FZR1: variants seen among roughly 807,000 people sequenced by gnomAD.
FZR1 encodes fizzy-related protein homolog.
In FZR1, 11 loss-of-function variants were observed where a neutral mutation model predicts 63.6. That is an observed-to-expected ratio of 0.17 (90% confidence interval 0.11 to 0.29). The LOEUF is 0.29. FZR1 is among the 10% of genes least tolerant of loss of function. The probability of loss-of-function intolerance (pLI) is 1.00; values close to 1 mark genes in which losing one functional copy is unlikely to be tolerated. For missense variants in FZR1, 440 were observed against 687.5 expected, an observed-to-expected ratio of 0.64 and a Z score of 4.03; for synonymous variants, 328 against 297.9, an observed-to-expected ratio of 1.10 and a Z score of -1.04.
At position 3,516,571 on chromosome 19, in the gene FZR1, C is replaced by T. The variant is rs911163295; in HGVS notation, c.-34-6385C>T. On this transcript the variant is annotated intron_variant, in intron 1 of 13. Coordinates refer to ENST00000441788, the MANE Select transcript of FZR1 (RefSeq NM_016263.4). This position sits in a 1 kb window ranked among gnomAD's most constrained non-coding sequence, Gnocchi z 6.0. ...CTGAGCTGAGCACCGCTAGCAGCACCGGGCAAGTGTCCAGGTGAGGTGCCC... is the reference window on the plus strand; with the variant it reads ...CTGAGCTGAGCACCGCTAGCAGCACTGGGCAAGTGTCCAGGTGAGGTGCCC... 3.0e-4 allele frequency among the ~76,000 whole-genome samples: 45 copies of T among 152,112 alleles called. No individual in the cohort carries two copies. Among genetic ancestry groups the T allele is most frequent in the African/African-American group, 1.0e-3 (43 of 41,408 alleles).
At position 3,527,535 on chromosome 19, in the gene FZR1, C is replaced by T. The variant is rs1599785528; in HGVS notation, c.471-96C>T. 1.3e-5 allele frequency: 12 copies of T among 951,494 alleles called. No individual in the cohort carries two copies. The East Asian group carries it at 1.6e-4, about 12-fold the overall frequency. The allele number at this position is 951,494 out of a possible 1,614,324, so 58.9% of individuals were successfully genotyped here. A position where few individuals can be genotyped will look rare whatever the true frequency, so the allele number is the denominator to read the frequency against. ...TGGTGATTGGAGGGGCCGGACTGGGCTCCTGGGGCTGGCAGGGAAGGAGAC... is the reference window on the plus strand; with the variant it reads ...TGGTGATTGGAGGGGCCGGACTGGGTTCCTGGGGCTGGCAGGGAAGGAGAC... On this transcript the variant is annotated intron_variant, in intron 6 of 13. Transcript: ENST00000441788.
chr19:3,524,387 C>T (rs1276778000), intron 2 of FZR1, among the ~76,000 whole-genome samples: 3 of 152,166 alleles, frequency 2.0e-5, no homozygotes, highest in African/African-American at 7.2e-5. Flanking sequence ...GAGAGCTCCC[C>T]ACATACCCGT....
At chr19:3,527,512 G>GATCACA in intron 6 of FZR1, 119 bp from the exon 7 acceptor site, 1 of 730,400 alleles carries the variant, frequency 1.4e-6, no homozygotes, top group Non-Finnish European at 2.2e-6. Flanking sequence ...GGTGGCGGTG[G>GATCACA]TGATTGGAGG....
At chr19:3,527,927 GC>G (rs2083177448) in intron 7 of FZR1, 113 bp downstream of exon 7, 1 of 754,768 alleles carries the variant, frequency 1.3e-6, no homozygotes, top group Non-Finnish European at 2.0e-6. Flanking sequence ...GCCTGCCATG[GC>G]CCTCCTAGCT....
chr19:3,534,701 C>A, intron 13 of FZR1, 94 bp from the exon 14 acceptor site: 1 of 1,211,850 alleles, frequency 8.3e-7, no homozygotes. Flanking sequence ...CTCCCAGCCC[C>A]TCAGGACCAA....
In FZR1 at chr19:3,528,933, GGAGTGGATGGGAGAGCGGATGGGT is replaced by G. The variant is rs1182649244; in HGVS notation, c.654+1136_654+1159del. Among the ~76,000 whole-genome samples the G allele has an allele frequency of 2.8e-5, 4 of 144,072 alleles. No homozygotes were observed. In the South Asian group the frequency reaches 6.8e-4, roughly 25 times the overall value. The allele number at this position is 144,072 out of a possible 152,430, so 94.5% of individuals were successfully genotyped here. ...GTTTGAGTGGATGGGAGAGTGTATG[GGAGTGGATGGGAGAGCGGATGGGT>G]GAGTGGATGGGAGAGCAGATGGTTG... On this transcript the variant is annotated intron_variant, in intron 7 of 13. Transcript: ENST00000441788.
rs1018123180 is a variant in FZR1 at position 3,516,997 on chromosome 19, A to G, written c.-34-5959A>G. The stretch of plus-strand genomic sequence containing the variant: ...CAGTGTTCTGGGGAAGTGGGGGATG[A>G]TATTTTAGCCAATCACAACCAGACT... On this transcript the variant is annotated intron_variant, in intron 1 of 13. Coordinates refer to ENST00000441788, the MANE Select transcript of FZR1 (RefSeq NM_016263.4). This position sits in a 1 kb window ranked among gnomAD's most constrained non-coding sequence, Gnocchi z 6.0. 6.6e-6 allele frequency among the ~76,000 whole-genome samples: 1 copy of G among 152,212 alleles called. No homozygotes were observed. The highest frequency in any genetic ancestry group is 1.5e-5 in the Non-Finnish European group (1 of 68,034).
In FZR1 at chr19:3,530,316, G is replaced by A. The variant is rs1459976056; in HGVS notation, c.655-476G>A. Among the ~76,000 whole-genome samples the A allele has an allele frequency of 7.5e-5, 10 of 132,716 alleles. 1 individual carries two copies. The highest frequency in any genetic ancestry group is 4.4e-3 in the Middle Eastern group (1 of 226). The allele number at this position is 132,716 out of a possible 152,430, so 87.1% of individuals were successfully genotyped here. A position where few individuals can be genotyped will look rare whatever the true frequency, so the allele number is the denominator to read the frequency against. On this transcript the variant is annotated intron_variant, in intron 7 of 13. Coordinates refer to ENST00000441788, the MANE Select transcript of FZR1 (RefSeq NM_016263.4). Reference sequence around the variant, plus strand: ...CGCAGGGGAGAGCGGAGGAGAGAGCGGAGGAGAGTGGTTGAGGGAGTGGAT... The same window carrying A: ...CGCAGGGGAGAGCGGAGGAGAGAGCAGAGGAGAGTGGTTGAGGGAGTGGAT...
At chr19:3,528,201 C>T (rs1033067385) in intron 7 of FZR1, among the ~76,000 whole-genome samples, 6 of 152,252 alleles carry the variant, frequency 3.9e-5, no homozygotes, top group Non-Finnish European at 4.4e-5. Flanking sequence ...CTATGACCAC[C>T]GAGTGGCCGC....
rs1008921882 is a variant in FZR1 at position 3,534,316 on chromosome 19, G to A, written c.1348-105G>A. 21 of 615,552 alleles carry A rather than the reference G, an allele frequency of 3.4e-5. No homozygotes were observed. The African/African-American group carries it at 3.8e-4, about 11-fold the overall frequency. The allele number at this position is 615,552 out of a possible 1,614,324, so 38.1% of individuals were successfully genotyped here. A position where few individuals can be genotyped will look rare whatever the true frequency, so the allele number is the denominator to read the frequency against. Reference sequence around the variant, plus strand: ...CTCCCTCCTGGCTCCAGAGTCTGGGGGGCCCAGCCACCCGACACCTTGCTC... The same window carrying A: ...CTCCCTCCTGGCTCCAGAGTCTGGGAGGCCCAGCCACCCGACACCTTGCTC... On this transcript the variant is annotated intron_variant, in intron 12 of 13. Transcript: ENST00000441788.
intron 1 of FZR1, among the ~76,000 whole-genome samples, chr19:3,509,717 T>A (rs1017572361): frequency 2.6e-5 from 4 of 152,326 alleles, no homozygotes; most frequent in African/African-American, 9.6e-5. Flanking sequence ...TGGCCTTTTG[T>A]GTCTGGCATC....
intron 8 of FZR1, 77 bp from the exon 9 acceptor site, chr19:3,531,637 G>C: frequency 1.0e-6 from 1 of 992,060 alleles, no homozygotes; most frequent in East Asian, 2.7e-5. Flanking sequence ...AGAGAGCCTG[G>C]CGCGACCAAC....
chr19:3,511,298 G>A (rs911975817), intron 1 of FZR1, among the ~76,000 whole-genome samples: 1 of 152,210 alleles, frequency 6.6e-6, no homozygotes, highest in East Asian at 1.9e-4. Flanking sequence ...CAGTTCTCAC[G>A]GGAGTGGGCT....
At position 3,514,963 on chromosome 19, in the gene FZR1, C is replaced by T. The variant is rs888831362; in HGVS notation, c.-34-7993C>T. On this transcript the variant is annotated intron_variant, in intron 1 of 13. Transcript: ENST00000441788. This position sits in a 1 kb window ranked among gnomAD's most constrained non-coding sequence, Gnocchi z 4.2. ...CCAGGGGGTGAAAGGTGGACCTTCC[C>T]TATGAGCTGGCCCAGGGGGTTTGCA... 3.9e-5 allele frequency among the ~76,000 whole-genome samples: 6 copies of T among 152,142 alleles called. No individual in the cohort carries two copies. The highest frequency in any genetic ancestry group is 1.2e-4 in the African/African-American group (5 of 41,436).
rs567542516 is a variant in FZR1 at position 3,525,828 on chromosome 19, T to C, written c.70-40T>C. 6.3e-7 allele frequency: 1 copy of C among 1,598,556 alleles called. No homozygotes were observed. The highest frequency in any genetic ancestry group is 2.2e-5 in the East Asian group (1 of 44,736). On this transcript the variant is annotated intron_variant, in intron 2 of 13. Transcript: ENST00000441788. The surrounding 1 kb of genome is among the most constrained non-coding windows in gnomAD (Gnocchi z 4.2). ...TGGCCTGGGGGCACTCTCGGGGGGC[T>C]CTCGGTGCTGAGAGCAAGCCCTCTG...
chr19:3,523,904 G>A (rs951031965), intron 2 of FZR1, among the ~76,000 whole-genome samples: 3 of 152,188 alleles, frequency 2.0e-5, no homozygotes, highest in Admixed American at 6.5e-5. Flanking sequence ...CCTGGGTCCC[G>A]GGACCTGCGG....
rs2121915427 is a variant in FZR1 at position 3,516,262 on chromosome 19, G to A, written c.-34-6694G>A. Among the ~76,000 whole-genome samples, 1 of 152,302 alleles carries A rather than the reference G, an allele frequency of 6.6e-6. No homozygotes were observed. The highest frequency in any genetic ancestry group is 2.1e-4 in the South Asian group (1 of 4,818). ...CCACCGTCTGACGGGCGGGAGGGTG[G>A]TGTCCTCGGTTGGATTGGCAGCTCC... On this transcript the variant is annotated intron_variant, in intron 1 of 13. Transcript: ENST00000441788. This position sits in a 1 kb window ranked among gnomAD's most constrained non-coding sequence, Gnocchi z 6.0.
rs929324065 is a variant in FZR1 at position 3,515,796 on chromosome 19, T to A, written c.-34-7160T>A. Among the ~76,000 whole-genome samples, 10 of 148,372 alleles carry A rather than the reference T, an allele frequency of 6.7e-5. No homozygotes were observed. Among genetic ancestry groups the A allele is most frequent in the African/African-American group, 2.5e-4 (10 of 40,288 alleles). On this transcript the variant is annotated intron_variant, in intron 1 of 13. Transcript: ENST00000441788. This position sits in a 1 kb window ranked among gnomAD's most constrained non-coding sequence, Gnocchi z 4.6. ...AAAAAAAAAAAAGGAATTCAAGAAG[T>A]ACAAAACGAGGTGCCAGGAGAAATA...
At chr19:3,508,226 T>A (rs2082999906) in intron 1 of FZR1, among the ~76,000 whole-genome samples, 1 of 130,422 alleles carries the variant, frequency 7.7e-6, no homozygotes, top group Non-Finnish European at 1.6e-5. Context: ...TTTTTTGAGA[T>A]GGAGTTTCGC....
Sources: gnomAD v4.1 joint callset for allele counts (sites outside exome capture counted in the v4.1 genomes callset) on GRCh38, gnomAD v4.1.1 for gene constraint, Gnocchi (gnomAD v3.1) non-coding constraint, MANE v1.5 for transcripts, NCBI Gene and HGNC (gene_info 2026-07-23, HGNC 2026-07-21) for gene names.